The following NXF3 variants were observed in gnomAD, a reference collection of about 807,000 sequenced individuals.
NXF3 encodes TAP-like protein 3.
Under a neutral mutation model 48.4 loss-of-function variants are expected in NXF3, and 34 were observed. That is an observed-to-expected ratio of 0.70 (90% CI 0.53 to 0.93). The LOEUF is 0.93. Among genes scored for constraint, NXF3 ranks in the 40% least tolerant of loss-of-function variants. The probability of loss-of-function intolerance (pLI) is 0.00; values close to 1 mark genes in which losing one functional copy is unlikely to be tolerated. For missense variants in NXF3, 359 were observed against 406.1 expected, an observed-to-expected ratio of 0.88 and a Z score of 1.00; for synonymous variants, 132 against 145.7, an observed-to-expected ratio of 0.91 and a Z score of 0.68.
At chrX:103,089,419 G>T (rs1370828962) in intron 1 of NXF3, 8 of 234,066 alleles carry the variant, frequency 3.4e-5, no homozygotes, top group Non-Finnish European at 4.5e-5. Flanking sequence ...TAGTAAGGAG[G>T]TAAAATACAT....
chrX:103,078,456 G>A (rs944787577), intron 17 of NXF3, 104 bp downstream of exon 17: 74 of 1,121,708 alleles, frequency 6.6e-5, no homozygotes, highest in South Asian at 2.0e-4. Flanking sequence ...CTAGACTGTC[G>A]GTTTTTTACA....
At chrX:103,092,884 T>C in intron 1 of NXF3, 112 bp downstream of exon 1, 2 of 793,249 alleles carry the variant, frequency 2.5e-6, no homozygotes, top group South Asian at 4.8e-5. Flanking sequence ...CCCACCCCCA[T>C]CTAAAGGGAG....
Position 103,082,841 on chromosome X carries a change from C to T in NXF3, c.699G>A (p.Val233=). The T allele has an allele frequency of 8.3e-7, 1 of 1,207,685 alleles. No individual in the cohort carries two copies. Among genetic ancestry groups the T allele is most frequent in the Non-Finnish European group, 1.1e-6 (1 of 891,894 alleles). ...TCGATGCCATCTTAGTATCACGGTTCACCATGTCTCCAGAAAGCAGAGAGG... is the reference window on the plus strand; with the variant it reads ...TCGATGCCATCTTAGTATCACGGTTTACCATGTCTCCAGAAAGCAGAGAGG... ...IQRLPFYPDM[V]NRDTKMASNP... Residue 233 remains valine (V), a synonymous_variant, in exon 8 of 20, where the codon GTG becomes GTA. Coordinates refer to ENST00000395065, the MANE Select transcript of NXF3 (RefSeq NM_022052.2).
intron 9 of NXF3, 125 bp from the exon 10 acceptor site, chrX:103,080,737 G>A (rs1000221267): frequency 2.1e-5 from 13 of 631,333 alleles, no homozygotes; most frequent in Non-Finnish European, 2.8e-5. Flanking sequence ...CGAAGTTCCT[G>A]CCTCTGCAGC....
rs1921858950 is a variant in NXF3, at chrX:103,075,835, A to G, written c.*215T>C. The stretch of plus-strand genomic sequence containing the variant: ...TTTTGCAGGGATTTGACATAACAAG[A>G]CACCATACTTTATTGTGAAAAGGAA... On this transcript the variant is annotated 3_prime_UTR_variant, in exon 20 of 20. Transcript: ENST00000395065. The G allele has an allele frequency of 7.8e-6, 1 of 127,477 alleles. No homozygotes were observed. Among genetic ancestry groups the G allele is most frequent in the African/African-American group, 3.2e-5 (1 of 31,529 alleles). The allele number at this position is 127,477 out of a possible 1,213,427, so 10.5% of individuals were successfully genotyped here.
chrX:103,079,584 A>AG lies in NXF3; in HGVS notation c.1218dup (p.Tyr407LeufsTer13), dbSNP rs1921958024. 1 of 1,209,459 alleles carries AG rather than the reference A, an allele frequency of 8.3e-7. No individual in the cohort carries two copies. The highest frequency in any genetic ancestry group is 1.7e-5 in the African/African-American group (1 of 57,772). On this transcript the variant is annotated frameshift_variant and splice_region_variant, in exon 14 of 20. Transcript: ENST00000395065. LOFTEE classifies it high-confidence loss of function. ...CCAGACTTCTCCATCACACACTTAC[A>AG]GGGGTCCTTGAGAATTTTTATATTC...
intron 1 of NXF3, chrX:103,087,628 T>A: frequency 2.0e-6 from 2 of 984,893 alleles, no homozygotes; most frequent in Non-Finnish European, 2.9e-6. Context: ...ACCCGTGCTC[T>A]AAGTCCGATC....
In NXF3 at chrX:103,083,692, C is replaced by T. The variant is rs1214903271; in HGVS notation, c.352G>A (p.Val118Ile). ...TCATTGTATTTTATGCCAAAGGGAA[C>T]CTATGAGTGAAAGAAAGAATGAGTG... Reference protein sequence around the residue: ...GTLGSWFKITVPFGIKYNEKW... With the variant: ...GTLGSWFKITIPFGIKYNEKW... The change falls in exon 4 of 20, where the codon GTT becomes ATT. Residue 118 changes from valine (V) to isoleucine (I), a missense_variant and splice_region_variant. Physicochemically the swap from Val to Ile is conservative, Grantham distance 29. Coordinates refer to ENST00000395065, the MANE Select transcript of NXF3 (RefSeq NM_022052.2). The T allele has an allele frequency of 8.4e-7, 1 of 1,189,796 alleles. No individual in the cohort carries two copies. Among genetic ancestry groups the T allele is most frequent in the African/African-American group, 1.7e-5 (1 of 57,145 alleles).
At chrX:103,081,308 G>A (rs984457787) in intron 9 of NXF3, 1 of 112,024 alleles carries the variant, frequency 8.9e-6, no homozygotes, top group African/African-American at 3.2e-5. Flanking sequence ...TCTGAGCTGG[G>A]CATGGGAAAC....
intron 10 of NXF3, 85 bp downstream of exon 10, chrX:103,080,491 T>A (rs1250125997): frequency 2.1e-6 from 2 of 953,170 alleles, no homozygotes; most frequent in Non-Finnish European, 3.0e-6. Context: ...AAAATGTAAC[T>A]GGGACAATAT....
intron 1 of NXF3, among the ~76,000 whole-genome samples, chrX:103,092,033 T>A (rs1364177684): frequency 9.3e-6 from 1 of 107,094 alleles, no homozygotes; most frequent in African/African-American, 3.4e-5. Flanking sequence ...AGATATTAGA[T>A]GGTCTGTTGC....
rs374595525 is a variant in NXF3 at position 103,084,502 on chromosome X, G to A, written c.198-7C>T. 149 of 1,209,296 alleles carry A rather than the reference G, an allele frequency of 1.2e-4. No homozygotes were observed. Among genetic ancestry groups the A allele is most frequent in the Non-Finnish European group, 1.5e-4 (138 of 894,567 alleles). ...TGAAATAGTATAGGGAGTGCTGTGA[G>A]CAAGTGGAGAAAAGGTAGTTCACAT... On this transcript the variant is annotated splice_polypyrimidine_tract_variant and splice_region_variant and intron_variant, in intron 2 of 19. Transcript: ENST00000395065.
intron 8 of NXF3, among the ~76,000 whole-genome samples, 166 bp from the exon 9 acceptor site, chrX:103,082,530 T>G (rs1238481916): frequency 9.0e-6 from 1 of 111,666 alleles, no homozygotes; most frequent in Non-Finnish European, 1.9e-5. Context: ...GTATTACACC[T>G]CATTTTATTT....
At chrX:103,081,410 C>G (rs1326994671) in intron 9 of NXF3, 1 of 112,438 alleles carries the variant, frequency 8.9e-6, no homozygotes, top group Non-Finnish European at 1.9e-5. Context: ...GGGACCCCCT[C>G]TCCCGACCAC....
chrX:103,080,305 T>A (rs998235334), intron 10 of NXF3, 89 bp from the exon 11 acceptor site: 2 of 933,093 alleles, frequency 2.1e-6, no homozygotes, highest in African/African-American at 3.9e-5. Context: ...GAGGGTGAGA[T>A]CAGAAATCAG....
At chrX:103,088,745 G>A in intron 1 of NXF3, 5 of 1,083,699 alleles carry the variant, frequency 4.6e-6, no homozygotes, top group Non-Finnish European at 6.2e-6. Flanking sequence ...CTTTTAGACA[G>A]TCAGCTCACT....
chrX:103,091,964 G>A (rs1467846960), intron 1 of NXF3, among the ~76,000 whole-genome samples: 3 of 80,804 alleles, frequency 3.7e-5, no homozygotes, highest in East Asian at 3.8e-4. Context: ...CAGCCTGGGC[G>A]ACACAGCAAG....
intron 7 of NXF3, 62 bp downstream of exon 7, chrX:103,082,942 G>T: frequency 8.7e-7 from 1 of 1,152,900 alleles, no homozygotes; most frequent in Non-Finnish European, 1.2e-6. Flanking sequence ...CCAACCGTAA[G>T]TCTCCATCTC....
At chrX:103,089,549 A>G (rs1922229181) in intron 1 of NXF3, among the ~76,000 whole-genome samples, 1 of 112,451 alleles carries the variant, frequency 8.9e-6, no homozygotes, top group African/African-American at 3.2e-5. Context: ...GTATTGAAAA[A>G]TATAAATTCA....
Sources: allele counts gnomAD v4.1 joint callset (sites outside exome capture counted in the v4.1 genomes callset), GRCh38; gene constraint gnomAD v4.1.1; transcripts MANE v1.5; gene names NCBI Gene and HGNC (gene_info 2026-07-23, HGNC 2026-07-21).